The following FLNC variants were observed in gnomAD, a reference collection of about 807,000 sequenced individuals.
The protein encoded by FLNC is filamin-C.
Under a neutral mutation model 254.3 loss-of-function variants are expected in FLNC, and 91 were observed. The observed-to-expected ratio is 0.36, with a 90% CI of 0.30 to 0.43. The LOEUF is 0.43. Ranked by LOEUF, FLNC falls within the 20% of genes least tolerant of loss-of-function variation. The pLI is 1.00. For missense variants in FLNC, 2,853 were observed against 3,802.6 expected (o/e 0.75, Z 6.57); for synonymous variants, 1,430 against 1,577.2 (o/e 0.91, Z 2.21).
rs780762913 is a variant in FLNC, at chr7:128,853,493, T to C, written c.6233T>C (p.Ile2078Thr). 3 of 1,613,834 alleles carry C rather than the reference T, an allele frequency of 1.9e-6. No individual in the cohort carries two copies. The highest frequency in any genetic ancestry group is 1.1e-5 in the South Asian group (1 of 91,066). Residue 2078 changes from isoleucine (I) to threonine (T), a missense_variant, in exon 38 of 48, where the codon ATT becomes ACT. Ile to Thr is a moderately conservative substitution (Grantham distance 89). This residue lies in a region of FLNC where 551 missense variants were observed against 835.0 expected (regional missense o/e 0.66). Transcript: ENST00000325888. The part of the protein sequence containing the change: ...NAGYGGLGLS[I>T]EGPSKVDINC... ...GGTTATGGGGGCTTGGGGCTGAGTATTGAAGGCCCAAGCAAGGTGGACATC... is the reference window on the plus strand; with the variant it reads ...GGTTATGGGGGCTTGGGGCTGAGTACTGAAGGCCCAAGCAAGGTGGACATC...
intron 1 of FLNC, among the ~76,000 whole-genome samples, chr7:128,833,144 GC>G (rs977213117): frequency 6.6e-6 from 1 of 152,242 alleles, no homozygotes; most frequent in South Asian, 2.1e-4. Flanking sequence ...CCTTGTCCTG[GC>G]CCCCCGTTGC....
In FLNC at chr7:128,857,263, C is replaced by T; in HGVS notation, c.7707C>T (p.Gly2569=). The T allele has an allele frequency of 6.2e-7, 1 of 1,614,090 alleles. No homozygotes were observed. The highest frequency in any genetic ancestry group is 8.5e-7 in the Non-Finnish European group (1 of 1,179,980). Residue 2569 remains glycine (G), a synonymous_variant, in exon 46 of 48, where the codon GGC becomes GGT. Transcript: ENST00000325888. The surrounding 1 kb of genome is among the most constrained non-coding windows in gnomAD (Gnocchi z 4.5). ...TCACTTATACTCCCATGGCCCCTGGCAACTACCTCATTGCCATCAAGTACG... is the reference window on the plus strand; with the variant it reads ...TCACTTATACTCCCATGGCCCCTGGTAACTACCTCATTGCCATCAAGTACG... ...HVVTYTPMAP[G]NYLIAIKYGG... is the part of the protein sequence containing the mutation.
At position 128,842,069 on chromosome 7, in the gene FLNC, G is replaced by A. The variant is rs1212326008; in HGVS notation, c.2122-162G>A. On this transcript the variant is annotated intron_variant, in intron 13 of 47. Coordinates refer to ENST00000325888, the MANE Select transcript of FLNC (RefSeq NM_001458.5). The surrounding 1 kb of genome is among the most constrained non-coding windows in gnomAD (Gnocchi z 5.4). ...CAGGCTCCCAGGGTGGGCTCTGGCC[G>A]CCAGAGCACGTGGCCCTGGGCTCTG... is the stretch of plus-strand genomic sequence containing the variant. Among the ~76,000 whole-genome samples, 4 of 151,998 alleles carry A rather than the reference G, an allele frequency of 2.6e-5. No individual in the cohort carries two copies. The highest frequency in any genetic ancestry group is 4.8e-5 in the African/African-American group (2 of 41,384).
chr7:128,845,333 G>T (rs1202791157), intron 21 of FLNC, 78 bp downstream of exon 21: 2 of 1,221,422 alleles, frequency 1.6e-6, no homozygotes, highest in Non-Finnish European at 2.3e-6. Context: ...GAGGGAAGAA[G>T]AGCTGAGAGC....
rs1808169515 is a variant in FLNC, at chr7:128,838,009, A to G, written c.992A>G (p.Asp331Gly). The G allele has an allele frequency of 2.5e-6, 4 of 1,614,018 alleles. No homozygotes were observed. Among genetic ancestry groups the G allele is most frequent in the Non-Finnish European group, 3.4e-6 (4 of 1,179,930 alleles). The change falls in exon 6 of 48, where the codon GAC (aspartate) becomes GGC (glycine). Residue 331 changes from aspartate to glycine, a missense_variant. Asp to Gly is a moderately conservative substitution (Grantham distance 94). Around this residue, in one of 10 missense-constraint regions of FLNC, gnomAD observed 1,573 missense variants for 1,883.5 expected, o/e 0.84. Coordinates refer to ENST00000325888, the MANE Select transcript of FLNC (RefSeq NM_001458.5). ...TAGGCTAAGGTGGTTCCCAACAATG[A>G]CAAGGATCGCACCTATGCTGTCTCC... ...TEEAKVVPNN[D>G]KDRTYAVSYV...
chr7:128,850,959 G>A lies in FLNC; in HGVS notation c.5539+16G>A, dbSNP rs745383569. On this transcript the variant is annotated intron_variant, in intron 33 of 47. Transcript: ENST00000325888. ...CACATCCCTGGTGAGTTAGGGGCTG[G>A]GCTGGGCTGGGGCTTGGGTGAGAGG... 6.2e-7 allele frequency: 1 copy of A among 1,613,450 alleles called. No individual in the cohort carries two copies. The highest frequency in any genetic ancestry group is 8.5e-7 in the Non-Finnish European group (1 of 1,179,844).
rs951266662 is a variant in FLNC, at chr7:128,835,308, G to C, written c.353-18G>C. 6.2e-7 allele frequency: 1 copy of C among 1,612,758 alleles called. No homozygotes were observed. The highest frequency in any genetic ancestry group is 1.7e-5 in the Admixed American group (1 of 60,034). ...GGGTGGGGCGCCCCTGAGCCCGTCT[G>C]TGCCCTCCCCTCTGCAGACAGCAAG... On this transcript the variant is annotated intron_variant, in intron 1 of 47. Coordinates refer to ENST00000325888, the MANE Select transcript of FLNC (RefSeq NM_001458.5). This position sits in a 1 kb window ranked among gnomAD's most constrained non-coding sequence, Gnocchi z 5.3.
chr7:128,834,000 G>A (rs946891471), intron 1 of FLNC, among the ~76,000 whole-genome samples: 5 of 152,184 alleles, frequency 3.3e-5, no homozygotes, highest in African/African-American at 1.2e-4. Flanking sequence ...TGGGAGTGGG[G>A]CAGGGGATGC....
In FLNC at chr7:128,844,894, G is replaced by T; in HGVS notation, c.3429G>T (p.Ser1143=). 1 of 1,613,902 alleles carries T rather than the reference G, an allele frequency of 6.2e-7. No homozygotes were observed. Residue 1143 remains serine (S), a synonymous_variant, in exon 21 of 48, where the codon TCG becomes TCT. Coordinates refer to ENST00000325888, the MANE Select transcript of FLNC (RefSeq NM_001458.5). ...ILFAEAHIPG[S]PFKATIRPVF... is the part of the protein sequence containing the mutation. ...TTGCTGAGGCCCACATCCCTGGCTC[G>T]CCCTTCAAAGCCACCATTCGGCCTG...
chr7:128,855,159 C>T, intron 42 of FLNC, 40 bp from the exon 43 acceptor site: 2 of 1,448,826 alleles, frequency 1.4e-6, no homozygotes, highest in South Asian at 1.1e-5. Context: ...CCCTGCCAAC[C>T]TCCATCCCGG....
At position 128,842,552 on chromosome 7, in the gene FLNC, C is replaced by G. The variant is rs1361780892; in HGVS notation, c.2266-23C>G. The stretch of plus-strand genomic sequence containing the variant: ...ATGAGCCTTGAGGGAGGGCACCACG[C>G]TGAGCTGCGACCCCTCCCGCAGGTG... On this transcript the variant is annotated intron_variant, in intron 14 of 47. Coordinates refer to ENST00000325888, the MANE Select transcript of FLNC (RefSeq NM_001458.5). The surrounding 1 kb of genome is among the most constrained non-coding windows in gnomAD (Gnocchi z 5.4). The G allele has an allele frequency of 6.5e-7, 1 of 1,548,480 alleles. No individual in the cohort carries two copies. Among genetic ancestry groups the G allele is most frequent in the Admixed American group, 2.0e-5 (1 of 51,002 alleles).
Position 128,858,896 on chromosome 7 carries a change from C to T in FLNC, c.*373C>T. ...TGTGGGTGTCTGTGTGTGAGGTCAC[C>T]CTCAAACTGCACCGCCGGCCAGATA... On this transcript the variant is annotated 3_prime_UTR_variant, in exon 48 of 48. Transcript: ENST00000325888. The surrounding 1 kb of genome is among the most constrained non-coding windows in gnomAD (Gnocchi z 6.7). The T allele has an allele frequency of 3.3e-6, 1 of 307,350 alleles. No individual in the cohort carries two copies. Among genetic ancestry groups the T allele is most frequent in the South Asian group, 4.1e-5 (1 of 24,274 alleles). 19.0% of individuals were successfully genotyped at this position (307,350 alleles called of 1,614,324 possible). A position where few individuals can be genotyped will look rare whatever the true frequency, so the allele number is the denominator to read the frequency against.
chr7:128,834,319 C>CT (rs1474857873), intron 1 of FLNC, among the ~76,000 whole-genome samples: 1 of 150,750 alleles, frequency 6.6e-6, no homozygotes, highest in South Asian at 2.2e-4. Context: ...GCGCCCCCCC[C>CT]CCCCAAATCT....
At chr7:128,843,041 G>A in intron 16 of FLNC, 87 bp downstream of exon 16, 2 of 1,527,034 alleles carry the variant, frequency 1.3e-6, no homozygotes. Flanking sequence ...AACAGGGAGG[G>A]ATGATTCCGC....
rs61044960 is a variant in FLNC at position 128,852,503 on chromosome 7, G to A, written c.5843-88G>A. On this transcript the variant is annotated intron_variant, in intron 35 of 47. Transcript: ENST00000325888. ...GGCCCCCCGTGTCTGTTGAGTCCAG[G>A]GGGGGCTGCTCAGGAGGGTTCCTGA... The A allele has an allele frequency of 1.4e-5, 21 of 1,501,214 alleles. No homozygotes were observed. The Admixed American group carries it at 2.0e-4, about 14-fold the overall frequency. The allele number at this position is 1,501,214 out of a possible 1,614,324, so 93.0% of individuals were successfully genotyped here.
intron 1 of FLNC, among the ~76,000 whole-genome samples, chr7:128,831,818 G>A (rs531199843): frequency 6.6e-6 from 1 of 151,842 alleles, no homozygotes; most frequent in African/African-American, 2.4e-5. Flanking sequence ...GTGGGGGCGG[G>A]GAGGCACTCT....
Position 128,841,308 on chromosome 7 carries a change from A to G in FLNC, c.1952A>G (p.Asp651Gly). The change falls in exon 12 of 48, where the codon GAC becomes GGC. Residue 651 changes from aspartate (D) to glycine (G), a missense_variant. Around this residue, in one of 10 missense-constraint regions of FLNC, gnomAD observed 1,573 missense variants for 1,883.5 expected, o/e 0.84. Coordinates refer to ENST00000325888, the MANE Select transcript of FLNC (RefSeq NM_001458.5). This position sits in a 1 kb window ranked among gnomAD's most constrained non-coding sequence, Gnocchi z 4.3. ...HVICDDEDIR[D>G]SPFIAHILPA... ...ATCTGTGACGATGAGGACATCCGAG[A>G]CTCACCCTTCATTGCCCACATCCTG... is the stretch of plus-strand genomic sequence containing the variant. 1 of 1,613,680 alleles carries G rather than the reference A, an allele frequency of 6.2e-7. No homozygotes were observed. The highest frequency in any genetic ancestry group is 8.5e-7 in the Non-Finnish European group (1 of 1,179,926).
chr7:128,851,395 A>T (rs974894412), intron 34 of FLNC, 35 bp downstream of exon 34: 35 of 1,613,588 alleles, frequency 2.2e-5, no homozygotes, highest in Admixed American at 5.0e-5. Flanking sequence ...TGGGGTGGAG[A>T]CTCACCAGGG....
In FLNC at chr7:128,854,849, G is replaced by A. The variant is rs370769744; in HGVS notation, c.7072G>A (p.Glu2358Lys). 1.9e-5 allele frequency: 30 copies of A among 1,614,058 alleles called. No individual in the cohort carries two copies. The highest frequency in any genetic ancestry group is 2.4e-5 in the Non-Finnish European group (28 of 1,180,054). Residue 2358 changes from glutamate to lysine, a missense_variant, in exon 42 of 48, where the codon GAG becomes AAG. Glu to Lys is a moderately conservative substitution (Grantham distance 56, BLOSUM62 1). Around this residue, in one of 10 missense-constraint regions of FLNC, gnomAD observed 551 missense variants for 835.0 expected, o/e 0.66. Coordinates refer to ENST00000325888, the MANE Select transcript of FLNC (RefSeq NM_001458.5). ...TGCTGTGGAGGGTCCTAGCAAAGCG[G>A]AGATTGCATTTGAGGATCGCAAAGA... ...SIAVEGPSKA[E>K]IAFEDRKDGS...
Sources: gnomAD v4.1 joint callset for allele counts (sites outside exome capture counted in the v4.1 genomes callset) on GRCh38, gnomAD v4.1.1 for gene constraint, gnomAD v4.1.1 regional missense constraint, Gnocchi (gnomAD v3.1) non-coding constraint, MANE v1.5 for transcripts, NCBI Gene and HGNC (gene_info 2026-07-23, HGNC 2026-07-21) for gene names.